The following PARP4 variants were observed in gnomAD, a reference collection of about 807,000 sequenced individuals.
PARP4 encodes poly(ADP-ribose) polymerase family member 4, also known as protein mono-ADP-ribosyltransferase PARP4.
In PARP4, 120 loss-of-function variants were observed where a neutral mutation model predicts 187.7. That is an observed-to-expected ratio of 0.64 (90% CI 0.55 to 0.74). PARP4 has a LOEUF of 0.74. Among genes scored for constraint, PARP4 ranks in the 30% least tolerant of loss-of-function variants. PARP4 has a pLI of 0.00. For missense variants in PARP4, 1,836 were observed against 2,070.5 expected, an observed-to-expected ratio of 0.89 and a Z score of 2.20; for synonymous variants, 654 against 740.9, an observed-to-expected ratio of 0.88 and a Z score of 1.90.
chr13:24,493,478 C>T, intron 8 of PARP4, 118 bp downstream of exon 8: 1 of 936,694 alleles, frequency 1.1e-6, no homozygotes, highest in Non-Finnish European at 1.6e-6. Context: ...AAGGAAAGAA[C>T]ATTTAGGAAT....
chr13:24,479,670 A>G (rs1288612410), intron 12 of PARP4, among the ~76,000 whole-genome samples: 1 of 151,998 alleles, frequency 6.6e-6, no homozygotes, highest in African/African-American at 2.4e-5. Flanking sequence ...AAACGCACCA[A>G]TCAGCGCCCT....
At chr13:24,495,401 G>A (rs753004891) in intron 6 of PARP4, among the ~76,000 whole-genome samples, 14 of 152,256 alleles carry the variant, frequency 9.2e-5, no homozygotes, top group Non-Finnish European at 2.1e-4. Flanking sequence ...GGGAAGAAAA[G>A]AAAAATACTT....
intron 27 of PARP4, among the ~76,000 whole-genome samples, chr13:24,445,420 A>G (rs1206243819): frequency 6.6e-6 from 1 of 151,800 alleles, no homozygotes; most frequent in Non-Finnish European, 1.5e-5. Flanking sequence ...CCACTCCCCA[A>G]CCTCCAGAGA....
chr13:24,427,532 A>G lies in PARP4; in HGVS notation c.4847-934T>C, dbSNP rs534613368. On this transcript the variant is annotated intron_variant, in intron 32 of 33. Transcript: ENST00000381989. ...ATTATAGGCAAGAGCCACAACACAT[A>G]GCCAAAAAATGGTTTTAGGGAAGAA... Among the ~76,000 whole-genome samples, 3 of 152,298 alleles carry G rather than the reference A, an allele frequency of 2.0e-5. No homozygotes were observed. The South Asian group carries it at 6.2e-4, about 32-fold the overall frequency.
intron 7 of PARP4, among the ~76,000 whole-genome samples, chr13:24,494,053 G>C (rs1268894991): frequency 6.6e-6 from 1 of 152,162 alleles, no homozygotes; most frequent in Non-Finnish European, 1.5e-5. Flanking sequence ...AGGTTGTAAA[G>C]ACATCTCCCA....
intron 1 of PARP4, among the ~76,000 whole-genome samples, chr13:24,511,894 A>T (rs1318670437): frequency 6.6e-6 from 1 of 152,148 alleles, no homozygotes; most frequent in African/African-American, 2.4e-5. Flanking sequence ...TTAAACAACA[A>T]AGGTACTACT....
At chr13:24,480,628 A>C (rs9581070) in intron 12 of PARP4, among the ~76,000 whole-genome samples, 2,232 of 152,338 alleles carry the variant, frequency 0.015, 58 homozygotes, top group African/African-American at 0.051. Flanking sequence ...GAAAATGTTA[A>C]TGGTCTGGAT....
At chr13:24,481,330 C>T (rs1338016224) in intron 12 of PARP4, among the ~76,000 whole-genome samples, 4 of 152,250 alleles carry the variant, frequency 2.6e-5, no homozygotes, top group Non-Finnish European at 5.9e-5. Flanking sequence ...TTCATGCCTG[C>T]TAACACAACT....
intron 32 of PARP4, among the ~76,000 whole-genome samples, chr13:24,427,309 T>G (rs1011926092): frequency 2.0e-5 from 3 of 152,016 alleles, no homozygotes; most frequent in Non-Finnish European, 4.4e-5. Context: ...AATTGAAAAA[T>G]GAATGTTTAC....
chr13:24,507,159 G>A (rs944912690), intron 1 of PARP4, among the ~76,000 whole-genome samples: 5 of 152,202 alleles, frequency 3.3e-5, no homozygotes, highest in Middle Eastern at 3.2e-3. Context: ...CAAGCGCCGC[G>A]CACAGCCCCG....
chr13:24,485,580 C>A (rs1239499617), intron 11 of PARP4, among the ~76,000 whole-genome samples: 1 of 152,092 alleles, frequency 6.6e-6, no homozygotes, highest in Non-Finnish European at 1.5e-5. Context: ...CTACATTTAA[C>A]AATATTTTCT....
At chr13:24,490,295 T>C (rs1868560414) in intron 10 of PARP4, among the ~76,000 whole-genome samples, 1 of 152,142 alleles carries the variant, frequency 6.6e-6, no homozygotes, top group African/African-American at 2.4e-5. Context: ...TCAGGGGCAG[T>C]TTTTCATGCC....
At chr13:24,475,330 T>C in intron 15 of PARP4, 142 bp downstream of exon 15, 1 of 775,756 alleles carries the variant, frequency 1.3e-6, no homozygotes, top group Non-Finnish European at 2.1e-6. Context: ...GTCCCTGGCA[T>C]GGAGTGCTCA....
Position 24,435,404 on chromosome 13 carries a change from G to A in PARP4, c.3737C>T (p.Ser1246Phe), listed in dbSNP as rs558059709. 6 of 1,611,628 alleles carry A rather than the reference G, an allele frequency of 3.7e-6. No individual in the cohort carries two copies. In the South Asian group the frequency reaches 5.5e-5, roughly 15 times the overall value. ...SKRKHRKIPF[S>F]KRKMELSQPE... is the part of the protein sequence containing the mutation. ...CTGAGATAATTCCATTTTTCTTTTG[G>A]AAAATGGAATTTTCCTATGTTTTCG... Residue 1246 changes from serine (S) to phenylalanine (F), a missense_variant, in exon 31 of 34, where the codon TCC becomes TTC. Transcript: ENST00000381989.
At chr13:24,477,314 TA>T (rs1198024728) in intron 14 of PARP4, among the ~76,000 whole-genome samples, 6 of 147,682 alleles carry the variant, frequency 4.1e-5, no homozygotes, top group Admixed American at 6.8e-5. Flanking sequence ...AATTTGTCTC[TA>T]AAAAAAAAAG....
intron 12 of PARP4, among the ~76,000 whole-genome samples, chr13:24,483,679 T>C (rs950699583): frequency 6.6e-6 from 1 of 151,872 alleles, no homozygotes; most frequent in Non-Finnish European, 1.5e-5. Flanking sequence ...CAGGCTGGAG[T>C]GCAGTGGCAC....
At chr13:24,495,296 C>T (rs1346743926) in intron 6 of PARP4, among the ~76,000 whole-genome samples, 1 of 152,034 alleles carries the variant, frequency 6.6e-6, no homozygotes, top group Non-Finnish European at 1.5e-5. Context: ...AGCTTCCTTC[C>T]AAGTCTACAG....
At chr13:24,505,356 T>C (rs1325856413) in intron 1 of PARP4, among the ~76,000 whole-genome samples, 1 of 151,770 alleles carries the variant, frequency 6.6e-6, no homozygotes, top group Non-Finnish European at 1.5e-5. Flanking sequence ...CTGCAAGATA[T>C]CGATAAGATG....
At chr13:24,506,340 AGCAGCAACAAAATTTACT>A (rs1409638933) in intron 1 of PARP4, among the ~76,000 whole-genome samples, 3 of 152,120 alleles carry the variant, frequency 2.0e-5, no homozygotes, top group African/African-American at 7.2e-5. Flanking sequence ...CCAAACAGTG[AGCAGCAACAAAATTTACT>A]GCAAGGAGTG....
Sources: allele counts gnomAD v4.1 joint callset (sites outside exome capture counted in the v4.1 genomes callset), GRCh38; gene constraint gnomAD v4.1.1; transcripts MANE v1.5; gene names NCBI Gene and HGNC (gene_info 2026-07-23, HGNC 2026-07-21).